POGLUT2: variants seen among roughly 807,000 people sequenced by gnomAD.
POGLUT2 encodes the protein protein O-glucosyltransferase 2, also known as ER protein 58.
Under a neutral mutation model 57.6 loss-of-function variants are expected in POGLUT2, and 47 were observed. That is an observed-to-expected ratio of 0.82 (90% CI 0.65 to 1.04). POGLUT2 has a LOEUF of 1.04. POGLUT2 is among the 50% of genes least tolerant of loss of function. The pLI, the probability that POGLUT2 is intolerant of heterozygous loss-of-function variation, is 0.00. For missense variants in POGLUT2, 565 were observed against 614.8 expected (o/e 0.92, Z 0.86); for synonymous variants, 200 against 218.8 (o/e 0.91, Z 0.76).
In POGLUT2 at chr13:102,787,926, A is replaced by G. The variant is rs777008728; in HGVS notation, c.1294-3T>C. ...CCTGCTTTTGCTATCTTTTTGGCCT[A>G]CAGGAAGAACAACGACAAAATCCTG... is the stretch of plus-strand genomic sequence containing the variant. On this transcript the variant is annotated splice_polypyrimidine_tract_variant and splice_region_variant and intron_variant, in intron 7 of 9. Coordinates refer to ENST00000376004, the MANE Select transcript of POGLUT2 (RefSeq NM_024089.3). 6.3e-7 allele frequency: 1 copy of G among 1,576,030 alleles called. No individual in the cohort carries two copies. The highest frequency in any genetic ancestry group is 8.7e-7 in the Non-Finnish European group (1 of 1,153,110).
chr13:102,789,454 C>T (rs1878085705), intron 6 of POGLUT2, among the ~76,000 whole-genome samples: 1 of 152,206 alleles, frequency 6.6e-6, no homozygotes, highest in Non-Finnish European at 1.5e-5. Flanking sequence ...AGTGTTGAAG[C>T]AGCGAATACA....
intron 1 of POGLUT2, 119 bp downstream of exon 1, chr13:102,798,370 C>T: frequency 1.1e-6 from 1 of 898,770 alleles, no homozygotes; most frequent in South Asian, 2.0e-5. Context: ...AAATGGGTAA[C>T]CAAATATCCT....
Position 102,789,002 on chromosome 13 carries a change from C to T in POGLUT2, c.1293+10G>A. The T allele has an allele frequency of 6.2e-7, 1 of 1,609,782 alleles. No individual in the cohort carries two copies. The highest frequency in any genetic ancestry group is 8.5e-7 in the Non-Finnish European group (1 of 1,176,862). ...AAGTGGAAATAAGCCTTCAAGGGGACTAACCTTACCTCTTCATCGTGATCT... is the reference window on the plus strand; with the variant it reads ...AAGTGGAAATAAGCCTTCAAGGGGATTAACCTTACCTCTTCATCGTGATCT... On this transcript the variant is annotated intron_variant, in intron 7 of 9. Transcript: ENST00000376004.
chr13:102,793,519 A>C, intron 3 of POGLUT2, 82 bp downstream of exon 3: 4 of 1,390,666 alleles, frequency 2.9e-6, no homozygotes, highest in Non-Finnish European at 4.1e-6. Flanking sequence ...TGTTTATAAA[A>C]TGATTTAGCT....
intron 7 of POGLUT2, among the ~76,000 whole-genome samples, chr13:102,788,346 C>G (rs767382594): frequency 6.6e-6 from 1 of 152,220 alleles, no homozygotes; most frequent in Non-Finnish European, 1.5e-5. Context: ...AACCTGGAGC[C>G]TGTTAGTGAC....
At chr13:102,793,867 T>A (rs529690542) in intron 2 of POGLUT2, 61 bp from the exon 3 acceptor site, 1 of 1,400,118 alleles carries the variant, frequency 7.1e-7, no homozygotes, top group Non-Finnish European at 1.0e-6. Context: ...TCGAAACTTG[T>A]AATAAACATC....
At chr13:102,790,784 A>G (rs1015700655) in intron 6 of POGLUT2, 117 bp downstream of exon 6, 6 of 730,060 alleles carry the variant, frequency 8.2e-6, no homozygotes, top group African/African-American at 1.8e-5. Context: ...TATTCGCTCA[A>G]TTTTGTGCTA....
At chr13:102,787,727 AT>A (rs1304568310) in intron 8 of POGLUT2, 106 bp downstream of exon 8, 1 of 518,498 alleles carries the variant, frequency 1.9e-6, no homozygotes, top group African/African-American at 1.9e-5. Flanking sequence ...AGAAGTATAT[AT>A]ATCTCCCTAT....
intron 9 of POGLUT2, 52 bp downstream of exon 9, chr13:102,786,180 G>T: frequency 8.4e-7 from 1 of 1,188,650 alleles, no homozygotes; most frequent in Non-Finnish European, 1.3e-6. Context: ...AGCAAGTTTG[G>T]ATCAATGTTA....
intron 2 of POGLUT2, among the ~76,000 whole-genome samples, chr13:102,794,235 G>GA (rs537119535): frequency 2.7e-5 from 4 of 150,754 alleles, no homozygotes; most frequent in Admixed American, 6.6e-5. Context: ...CCGTTTCAAA[G>GA]AAAAAAAAAG....
chr13:102,789,336 T>A, intron 6 of POGLUT2, 115 bp from the exon 7 acceptor site: 1 of 793,336 alleles, frequency 1.3e-6, no homozygotes, highest in Non-Finnish European at 2.1e-6. Context: ...TTTGGTCAGC[T>A]TCCACGCTCT....
intron 7 of POGLUT2, 87 bp downstream of exon 7, chr13:102,788,925 G>C: frequency 8.7e-7 from 1 of 1,149,652 alleles, no homozygotes. Flanking sequence ...TGAACATCCT[G>C]GATGCTCTCC....
chr13:102,798,606 C>A lies in POGLUT2; in HGVS notation c.65G>T (p.Gly22Val). The change falls in exon 1 of 10, where the codon GGC becomes GTC. Residue 22 changes from glycine to valine, a missense_variant. Physicochemically the swap from Gly to Val is moderately radical, Grantham distance 109. Coordinates refer to ENST00000376004, the MANE Select transcript of POGLUT2 (RefSeq NM_024089.3). Reference sequence around the variant, plus strand: ...CTCCGGGCTCAGCTGCCTTTCTCCGCCGGTCTCGGCGAGTGCTGGAACTGT... The same window carrying A: ...CTCCGGGCTCAGCTGCCTTTCTCCGACGGTCTCGGCGAGTGCTGGAACTGT... ...LATVPALAET[G>V]GERQLSPEKS... 1 of 1,613,528 alleles carries A rather than the reference C, an allele frequency of 6.2e-7. No homozygotes were observed. Among genetic ancestry groups the A allele is most frequent in the Non-Finnish European group, 8.5e-7 (1 of 1,179,682 alleles).
intron 6 of POGLUT2, 52 bp downstream of exon 6, chr13:102,790,849 T>C: frequency 8.2e-7 from 1 of 1,215,500 alleles, no homozygotes; most frequent in East Asian, 2.3e-5. Flanking sequence ...CAAAGCACTA[T>C]GTACAAATAC....
chr13:102,789,514 G>C (rs947795762), intron 6 of POGLUT2, among the ~76,000 whole-genome samples: 9 of 152,228 alleles, frequency 5.9e-5, no homozygotes, highest in Admixed American at 3.9e-4. Context: ...GGATTCATTT[G>C]TGACTTTTTG....
intron 1 of POGLUT2, 57 bp from the exon 2 acceptor site, chr13:102,797,066 G>C: frequency 8.3e-7 from 1 of 1,205,066 alleles, no homozygotes; most frequent in Non-Finnish European, 1.2e-6. Context: ...AACACACAAA[G>C]GTTATGCTCT....
At position 102,793,605 on chromosome 13, in the gene POGLUT2, T is replaced by C; in HGVS notation, c.590A>G (p.Asn197Ser). The C allele has an allele frequency of 6.2e-7, 1 of 1,612,454 alleles. No individual in the cohort carries two copies. Among genetic ancestry groups the C allele is most frequent in the East Asian group, 2.2e-5 (1 of 44,876 alleles). ...GCAAAAAATCATGTGTTGTACCTTG[T>C]TATCCTTTAAGGTGTAGTGACATAG... is the stretch of plus-strand genomic sequence containing the variant. ...QSLCHYTLKD[N>S]KVYIKTHGEH... The change falls in exon 3 of 10, where the codon AAC (asparagine) becomes AGC (serine). Residue 197 changes from asparagine (N) to serine (S), a missense_variant. Physicochemically the swap from Asn to Ser is conservative, Grantham distance 46. Transcript: ENST00000376004.
chr13:102,790,760 C>T (rs941471236), intron 6 of POGLUT2, 141 bp downstream of exon 6: 39 of 640,844 alleles, frequency 6.1e-5, no homozygotes, highest in East Asian at 2.5e-4. Context: ...GTCCCCAGCA[C>T]CCCCATGTCT....
chr13:102,790,832 C>A, intron 6 of POGLUT2, 69 bp downstream of exon 6: 1 of 1,065,636 alleles, frequency 9.4e-7, no homozygotes, highest in East Asian at 2.4e-5. Context: ...GCCTTAATTT[C>A]CCTTCCCAAA....
Sources: allele counts gnomAD v4.1 joint callset (sites outside exome capture counted in the v4.1 genomes callset), GRCh38; gene constraint gnomAD v4.1.1; transcripts MANE v1.5; gene names NCBI Gene and HGNC (gene_info 2026-07-23, HGNC 2026-07-21).